RAD54L: variants seen among roughly 807,000 people sequenced by gnomAD.
RAD54L encodes the protein DNA repair and recombination protein RAD54-like.
RAD54L carries 74 observed loss-of-function variants against 91.6 expected under a neutral mutation model. The observed-to-expected ratio is 0.81, with a 90% CI of 0.67 to 0.98. The LOEUF (loss-of-function observed/expected upper bound fraction) is 0.98. Ranked by LOEUF, RAD54L falls within the 50% of genes least tolerant of loss-of-function variation. RAD54L has a pLI of 0.00. For synonymous variants in RAD54L, 304 were observed against 349.7 expected (o/e 0.87, Z 1.46); for missense variants, 887 against 945.7 (o/e 0.94, Z 0.81).
chr1:46,273,471 C>G lies in RAD54L; in HGVS notation c.1486+6C>G, dbSNP rs528490594. 2.5e-6 allele frequency: 4 copies of G among 1,612,304 alleles called. No individual in the cohort carries two copies. The highest frequency in any genetic ancestry group is 2.5e-6 in the Non-Finnish European group (3 of 1,178,628). On this transcript the variant is annotated splice_donor_region_variant and intron_variant, in intron 13 of 17. Coordinates refer to ENST00000371975, the MANE Select transcript of RAD54L (RefSeq NM_003579.4). ...CCTGGAGCCCCAGCTGTCAGGTGACCCTTTTCCTACCAGTATTTGGGCTTC... is the reference window on the plus strand; with the variant it reads ...CCTGGAGCCCCAGCTGTCAGGTGACGCTTTTCCTACCAGTATTTGGGCTTC...
chr1:46,269,817 A>G (rs199629039), intron 9 of RAD54L, among the ~76,000 whole-genome samples: 2 of 152,174 alleles, frequency 1.3e-5, no homozygotes, highest in East Asian at 3.9e-4. Context: ...ATTTCTCTCA[A>G]TGTGGCCAGG....
rs766410908 is a variant in RAD54L at position 46,274,733 on chromosome 1, G to C, written c.1869+16G>C. ...CCTGCTGTCTGTAAGGATGGTGATAGTAGTCATAGTAGGGGTGGGTCATGG... is the reference window on the plus strand; with the variant it reads ...CCTGCTGTCTGTAAGGATGGTGATACTAGTCATAGTAGGGGTGGGTCATGG... On this transcript the variant is annotated intron_variant, in intron 16 of 17. Transcript: ENST00000371975. 6.2e-7 allele frequency: 1 copy of C among 1,613,926 alleles called. No homozygotes were observed. The highest frequency in any genetic ancestry group is 1.7e-5 in the Admixed American group (1 of 60,030).
At chr1:46,269,466 CCT>C (rs1274294429) in intron 9 of RAD54L, among the ~76,000 whole-genome samples, 2 of 151,808 alleles carry the variant, frequency 1.3e-5, no homozygotes, top group Admixed American at 6.6e-5. Flanking sequence ...CACCATCATG[CCT>C]GGCTAATTTT....
chr1:46,277,789 T>C lies in RAD54L; in HGVS notation c.1870-28T>C, dbSNP rs370688257. 44 of 1,583,122 alleles carry C rather than the reference T, an allele frequency of 2.8e-5. No homozygotes were observed. The African/African-American group carries it at 5.8e-4, about 21-fold the overall frequency. ...TGAGGATGGCTAAGCGCTGTATCTTTTGACATTCCCCACCTCCTCTTCCCC... is the reference window on the plus strand; with the variant it reads ...TGAGGATGGCTAAGCGCTGTATCTTCTGACATTCCCCACCTCCTCTTCCCC... On this transcript the variant is annotated intron_variant, in intron 16 of 17. Transcript: ENST00000371975.
At chr1:46,272,604 T>C (rs1660466015) in intron 11 of RAD54L, 64 bp downstream of exon 11, 1 of 1,612,690 alleles carries the variant, frequency 6.2e-7, no homozygotes, top group South Asian at 1.1e-5. Context: ...ATGGCTGGGC[T>C]CTCAAGGTGT....
At chr1:46,270,086 T>A (rs1348753446) in intron 9 of RAD54L, among the ~76,000 whole-genome samples, 13 of 142,024 alleles carry the variant, frequency 9.2e-5, no homozygotes, top group African/African-American at 3.2e-4. Flanking sequence ...AAAAAAAAAA[T>A]TGGCCGGGCA....
chr1:46,275,452 C>T (rs1223458477), intron 16 of RAD54L, among the ~76,000 whole-genome samples: 2 of 152,166 alleles, frequency 1.3e-5, no homozygotes, highest in Non-Finnish European at 2.9e-5. Flanking sequence ...TCCCACCCTC[C>T]CACTCATCTG....
At position 46,260,148 on chromosome 1, in the gene RAD54L, C is replaced by T. The variant is rs201544697; in HGVS notation, c.407+49C>T. On this transcript the variant is annotated intron_variant, in intron 5 of 17. Coordinates refer to ENST00000371975, the MANE Select transcript of RAD54L (RefSeq NM_003579.4). The stretch of plus-strand genomic sequence containing the variant: ...GCAGTTTTGGTTCTCTGTATATGCA[C>T]GCATACTTGGGAGGGCAGAGGGTAT... 7.4e-6 allele frequency: 12 copies of T among 1,611,756 alleles called. No individual in the cohort carries two copies. The East Asian group carries it at 1.1e-4, about 15-fold the overall frequency.
chr1:46,275,765 T>C (rs969621114), intron 16 of RAD54L, among the ~76,000 whole-genome samples: 1 of 152,170 alleles, frequency 6.6e-6, no homozygotes, highest in Admixed American at 6.5e-5. Flanking sequence ...TACTACTGAA[T>C]TCCTAATTGC....
intron 16 of RAD54L, among the ~76,000 whole-genome samples, chr1:46,276,923 A>C (rs1000933325): frequency 6.6e-6 from 1 of 152,042 alleles, no homozygotes; most frequent in Non-Finnish European, 1.5e-5. Flanking sequence ...GCTTCTCCTG[A>C]GTAGCTGGGA....
intron 16 of RAD54L, among the ~76,000 whole-genome samples, chr1:46,277,280 G>C (rs12146051): frequency 0.2 from 30,959 of 152,108 alleles, 4,122 homozygotes; most frequent in Non-Finnish European, 0.3. Context: ...TTTCAAGATT[G>C]AGCTCAAGGA....
At chr1:46,272,631 G>A in intron 11 of RAD54L, 41 bp from the exon 12 acceptor site, 7 of 1,614,092 alleles carry the variant, frequency 4.3e-6, no homozygotes, top group Non-Finnish European at 5.1e-6. Flanking sequence ...AGGGCAGGAG[G>A]GTGGTCTAGC....
At position 46,278,318 on chromosome 1, in the gene RAD54L, G is replaced by A; in HGVS notation, c.*36G>A. The A allele has an allele frequency of 6.3e-7, 1 of 1,575,218 alleles. No individual in the cohort carries two copies. The highest frequency in any genetic ancestry group is 2.1e-4 in the Middle Eastern group (1 of 4,790). ...GTCTGGGTGTAGCTCTTAGAGGAAG[G>A]AGATAGGGAAAAGGGGCTCCTTGCT... On this transcript the variant is annotated 3_prime_UTR_variant, in exon 18 of 18. Coordinates refer to ENST00000371975, the MANE Select transcript of RAD54L (RefSeq NM_003579.4).
chr1:46,260,388 G>A (rs1188408836), intron 5 of RAD54L, among the ~76,000 whole-genome samples, 154 bp from the exon 6 acceptor site: 1 of 152,104 alleles, frequency 6.6e-6, no homozygotes, highest in African/African-American at 2.4e-5. Context: ...AACTCCTAAA[G>A]TAGGAACTTG....
At chr1:46,267,646 G>T (rs751637440) in intron 9 of RAD54L, 37 bp downstream of exon 9, 6 of 1,569,834 alleles carry the variant, frequency 3.8e-6, no homozygotes, top group Non-Finnish European at 5.3e-6. Flanking sequence ...TCAGAGAGGA[G>T]CCCTGCCTTG....
rs553306072 is a variant in RAD54L, at chr1:46,248,253, C to G, written c.-153C>G. 1 of 979,066 alleles carries G rather than the reference C, an allele frequency of 1.0e-6. No homozygotes were observed. Among genetic ancestry groups the G allele is most frequent in the South Asian group, 1.4e-5 (1 of 72,128 alleles). The allele number at this position is 979,066 out of a possible 1,614,324, so 60.6% of individuals were successfully genotyped here. A position where few individuals can be genotyped will look rare whatever the true frequency, so the allele number is the denominator to read the frequency against. On this transcript the variant is annotated 5_prime_UTR_variant, in exon 1 of 18. Coordinates refer to ENST00000371975, the MANE Select transcript of RAD54L (RefSeq NM_003579.4). ...CCAAACACCAGTTCCTGGATGGATTCCCGCCATCCATGCCCCCTCTTTAAT... is the reference window on the plus strand; with the variant it reads ...CCAAACACCAGTTCCTGGATGGATTGCCGCCATCCATGCCCCCTCTTTAAT...
chr1:46,277,905 A>G lies in RAD54L; in HGVS notation c.1958A>G (p.Glu653Gly). 1 of 1,614,130 alleles carries G rather than the reference A, an allele frequency of 6.2e-7. No homozygotes were observed. Among genetic ancestry groups the G allele is most frequent in the Non-Finnish European group, 8.5e-7 (1 of 1,180,052 alleles). ...SCVVDEEQDVERHFSLGELKE... is the reference protein window; with the variant it reads ...SCVVDEEQDVGRHFSLGELKE... ...GTGGTGGATGAGGAGCAGGATGTAG[A>G]GCGCCACTTCTCTCTGGGCGAGTTG... Residue 653 changes from glutamate to glycine, a missense_variant, in exon 17 of 18, where the codon GAG becomes GGG. Glu to Gly is a moderately conservative substitution (Grantham distance 98). Transcript: ENST00000371975.
At position 46,248,239 on chromosome 1, in the gene RAD54L, T is replaced by C. The variant is rs1203790165; in HGVS notation, c.-167T>C. The C allele has an allele frequency of 1.1e-6, 1 of 890,320 alleles. No individual in the cohort carries two copies. Among genetic ancestry groups the C allele is most frequent in the Non-Finnish European group, 1.8e-6 (1 of 547,546 alleles). The allele number at this position is 890,320 out of a possible 1,614,324, so 55.2% of individuals were successfully genotyped here. On this transcript the variant is annotated 5_prime_UTR_variant, in exon 1 of 18. Coordinates refer to ENST00000371975, the MANE Select transcript of RAD54L (RefSeq NM_003579.4). ...CTCACAGTTTGGTTCCAAACACCAG[T>C]TCCTGGATGGATTCCCGCCATCCAT...
At chr1:46,272,024 A>ATTT (rs1569608418) in intron 10 of RAD54L, among the ~76,000 whole-genome samples, 1 of 39,386 alleles carries the variant, frequency 2.5e-5, no homozygotes, top group Non-Finnish European at 4.9e-5. Flanking sequence ...AGGTCTGATG[A>ATTT]CTTTTTTTTT....
Sources: gnomAD v4.1 joint callset for allele counts (sites outside exome capture counted in the v4.1 genomes callset) on GRCh38, gnomAD v4.1.1 for gene constraint, MANE v1.5 for transcripts, NCBI Gene and HGNC (gene_info 2026-07-23, HGNC 2026-07-21) for gene names.